Variants in NCF4 observed in about 807,000 individuals in gnomAD.
The protein encoded by NCF4 is neutrophil cytosolic factor 4, also known as neutrophil cytosol factor 4.
Under a neutral mutation model 41.7 loss-of-function variants are expected in NCF4, and 30 were observed. That is an observed-to-expected ratio of 0.72 (90% CI 0.54 to 0.97). NCF4 has a LOEUF of 0.97. Ranked by LOEUF, NCF4 falls within the 50% of genes least tolerant of loss-of-function variation. The pLI, the probability that NCF4 is intolerant of heterozygous loss-of-function variation, is 0.00. For synonymous variants in NCF4, 195 were observed against 175.8 expected, an observed-to-expected ratio of 1.11 and a Z score of -0.87; for missense variants, 432 against 460.9, an observed-to-expected ratio of 0.94 and a Z score of 0.57.
chr22:36,861,586 C>T (rs755052622), intron 1 of NCF4, among the ~76,000 whole-genome samples: 1 of 152,208 alleles, frequency 6.6e-6, no homozygotes, highest in Admixed American at 6.5e-5. Context: ...GCTTGTTCTT[C>T]CGCTAATCAG....
chr22:36,876,145 C>G (rs538219058), intron 9 of NCF4, 51 bp downstream of exon 9: 1 of 1,492,634 alleles, frequency 6.7e-7, no homozygotes, highest in South Asian at 1.3e-5. Flanking sequence ...GAGAAGAGAG[C>G]GCAGGGAGAA....
intron 6 of NCF4, 151 bp from the exon 7 acceptor site, chr22:36,872,176 T>TA (rs1465840952): frequency 1.3e-6 from 1 of 747,378 alleles, no homozygotes; most frequent in Non-Finnish European, 2.4e-6. Context: ...GCTCCTCCAC[T>TA]AAAAAATGGG....
chr22:36,877,866 C>T lies in NCF4; in HGVS notation c.*43C>T, dbSNP rs1940228781. ...AGCAGTGAGGGGACACCAGCAAAAACCTTCAGCTCTCAGAGGAGATTGGGA... is the reference window on the plus strand; with the variant it reads ...AGCAGTGAGGGGACACCAGCAAAAATCTTCAGCTCTCAGAGGAGATTGGGA... On this transcript the variant is annotated 3_prime_UTR_variant, in exon 10 of 10. Coordinates refer to ENST00000248899, the MANE Select transcript of NCF4 (RefSeq NM_000631.5). 6.4e-7 allele frequency: 1 copy of T among 1,568,158 alleles called. No individual in the cohort carries two copies. The highest frequency in any genetic ancestry group is 1.1e-5 in the South Asian group (1 of 87,338).
intron 2 of NCF4, 58 bp downstream of exon 2, chr22:36,864,187 T>C (rs1939863932): frequency 3.7e-6 from 5 of 1,357,540 alleles, no homozygotes; most frequent in South Asian, 1.2e-5. Flanking sequence ...CCAGCTGACC[T>C]CTGAACCTTG....
chr22:36,869,658 C>G (rs551146758), intron 4 of NCF4, among the ~76,000 whole-genome samples: 1 of 152,236 alleles, frequency 6.6e-6, no homozygotes, highest in East Asian at 1.9e-4. Context: ...TGAGATGACC[C>G]CGCCAGGCTC....
chr22:36,861,216 G>C lies in NCF4; in HGVS notation c.32+13G>C. On this transcript the variant is annotated intron_variant, in intron 1 of 9. Coordinates refer to ENST00000248899, the MANE Select transcript of NCF4 (RefSeq NM_000631.5). ...TGCGGGCCGAGAGGTGAGTGCCGGG[G>C]TGTGGCCGCCCCCGGGCCTTCTCAC... is the stretch of plus-strand genomic sequence containing the variant. 6.4e-7 allele frequency: 1 copy of C among 1,551,476 alleles called. No individual in the cohort carries two copies. The highest frequency in any genetic ancestry group is 1.2e-5 in the South Asian group (1 of 84,046).
At chr22:36,863,765 G>T (rs1437108028) in intron 1 of NCF4, among the ~76,000 whole-genome samples, 1 of 151,216 alleles carries the variant, frequency 6.6e-6, no homozygotes. Context: ...TTGCTATATG[G>T]TCACCAGCTT....
In NCF4 at chr22:36,871,659, G is replaced by C. The variant is rs150103256; in HGVS notation, c.478G>C (p.Val160Leu). Residue 160 changes from valine (V) to leucine (L), a missense_variant, in exon 6 of 10, where the codon GTG becomes CTG. By Grantham distance (32) the Val-to-Leu change is conservative. Transcript: ENST00000248899. ...CCTCTTCTCTCTCCACAGCAAGAGC[G>C]TGTCCCCACAGGGCAACAGCGTTGA... ...LRPRTRKVKS[V>L]SPQGNSVDRM... The C allele has an allele frequency of 6.4e-7, 1 of 1,570,014 alleles. No homozygotes were observed. The highest frequency in any genetic ancestry group is 1.2e-5 in the South Asian group (1 of 85,480).
At chr22:36,872,743 T>G (rs1247980454) in intron 7 of NCF4, among the ~76,000 whole-genome samples, 13 of 46,394 alleles carry the variant, frequency 2.8e-4, no homozygotes, top group South Asian at 7.9e-4. Flanking sequence ...GGAGATGAGA[T>G]TGGAGGTGAG....
rs1939917113 is a variant in NCF4 at position 36,865,931 on chromosome 22, C to G, written c.271+859C>G. ...AGGAGTCTTGCCTACTCTAAGCCAG[C>G]CTCCCCTCTCAGGCTCCATCATTTT... On this transcript the variant is annotated intron_variant, in intron 3 of 9. Coordinates refer to ENST00000248899, the MANE Select transcript of NCF4 (RefSeq NM_000631.5). This position sits in a 1 kb window ranked among gnomAD's most constrained non-coding sequence, Gnocchi z 4.3. Among the ~76,000 whole-genome samples, 1 of 152,132 alleles carries G rather than the reference C, an allele frequency of 6.6e-6. No individual in the cohort carries two copies. Among genetic ancestry groups the G allele is most frequent in the African/African-American group, 2.4e-5 (1 of 41,416 alleles).
At chr22:36,872,841 T>C (rs1940101927) in intron 7 of NCF4, among the ~76,000 whole-genome samples, 1 of 125,418 alleles carries the variant, frequency 8.0e-6, no homozygotes, top group Non-Finnish European at 1.6e-5. Flanking sequence ...GAGGTAAGGG[T>C]GGACGTGAGG....
intron 6 of NCF4, 151 bp downstream of exon 6, chr22:36,871,860 C>A: frequency 1.0e-6 from 1 of 983,532 alleles, no homozygotes; most frequent in Non-Finnish European, 1.5e-6. Flanking sequence ...CAGCCTCAGC[C>A]TCTGCCACTG....
At chr22:36,877,196 G>A (rs933046172) in intron 9 of NCF4, among the ~76,000 whole-genome samples, 18 of 151,976 alleles carry the variant, frequency 1.2e-4, no homozygotes, top group Non-Finnish European at 2.2e-4. Flanking sequence ...GAGTGCAGTG[G>A]TGCAATCTCA....
rs560397362 is a variant in NCF4, at chr22:36,865,687, G to T, written c.271+615G>T. Among the ~76,000 whole-genome samples, 1 of 152,166 alleles carries T rather than the reference G, an allele frequency of 6.6e-6. No individual in the cohort carries two copies. Among genetic ancestry groups the T allele is most frequent in the Non-Finnish European group, 1.5e-5 (1 of 68,016 alleles). ...GCCCCGCAGGAGGAAACCCCATCAC[G>T]AATGGGTTACACGGGGGTGGTCTCA... is the stretch of plus-strand genomic sequence containing the variant. On this transcript the variant is annotated intron_variant, in intron 3 of 9. Transcript: ENST00000248899. This position sits in a 1 kb window ranked among gnomAD's most constrained non-coding sequence, Gnocchi z 4.3.
At chr22:36,864,641 G>A (rs1939878400) in intron 2 of NCF4, among the ~76,000 whole-genome samples, 1 of 152,010 alleles carries the variant, frequency 6.6e-6, no homozygotes, top group Non-Finnish European at 1.5e-5. Context: ...CTGAATGTGT[G>A]TTTGGCCTAT....
intron 7 of NCF4, among the ~76,000 whole-genome samples, chr22:36,872,957 A>C (rs1425494193): frequency 6.9e-6 from 1 of 145,168 alleles, no homozygotes; most frequent in East Asian, 2.1e-4. Flanking sequence ...ATTGGAGGTG[A>C]GATTGGAGGT....
chr22:36,872,321 C>A lies in NCF4; in HGVS notation c.529-6C>A. The A allele has an allele frequency of 6.3e-7, 1 of 1,592,452 alleles. No individual in the cohort carries two copies. Among genetic ancestry groups the A allele is most frequent in the Non-Finnish European group, 8.6e-7 (1 of 1,160,226 alleles). On this transcript the variant is annotated splice_polypyrimidine_tract_variant and splice_region_variant and intron_variant, in intron 6 of 9. Transcript: ENST00000248899. ...CCTTCCCTCCTTACTGCACGCTTCTCCTCAGGCTCTATTTGACTTCACTGG... is the reference window on the plus strand; with the variant it reads ...CCTTCCCTCCTTACTGCACGCTTCTACTCAGGCTCTATTTGACTTCACTGG...
chr22:36,866,427 G>T (rs748445186), intron 3 of NCF4, among the ~76,000 whole-genome samples: 2 of 152,092 alleles, frequency 1.3e-5, no homozygotes, highest in Non-Finnish European at 2.9e-5. Flanking sequence ...GACTCCTTCA[G>T]CTTCTCTGTT....
chr22:36,867,250 C>T (rs1939949475), intron 3 of NCF4, 142 bp from the exon 4 acceptor site: 17 of 829,312 alleles, frequency 2.0e-5, no homozygotes, highest in Non-Finnish European at 3.5e-5. Flanking sequence ...GTGGCCACTT[C>T]AGTGCTGTGA....
Sources: gnomAD v4.1 joint callset for allele counts (sites outside exome capture counted in the v4.1 genomes callset) on GRCh38, gnomAD v4.1.1 for gene constraint, Gnocchi (gnomAD v3.1) non-coding constraint, MANE v1.5 for transcripts, NCBI Gene and HGNC (gene_info 2026-07-23, HGNC 2026-07-21) for gene names.